Variants in SMIM36 observed in about 807,000 individuals in gnomAD.
SMIM36 encodes small integral membrane protein 36.
At chr17:55,459,874 A>G (rs8065555) in intron 4 of SMIM36, among the ~76,000 whole-genome samples, 9,718 of 152,098 alleles carry the variant, frequency 0.064, 987 homozygotes, top group African/African-American at 0.21. Context: ...GCATGTGCCT[A>G]TAATCCCAGC....
intron 3 of SMIM36, among the ~76,000 whole-genome samples, chr17:55,473,165 G>A (rs1051755109): frequency 6.6e-6 from 1 of 152,014 alleles, no homozygotes; most frequent in South Asian, 2.1e-4. Context: ...ACCAGCCTCT[G>A]GCTTGCCTCC....
intron 3 of SMIM36, among the ~76,000 whole-genome samples, chr17:55,469,951 C>T (rs771547392): frequency 2.6e-5 from 4 of 151,804 alleles, no homozygotes; most frequent in Non-Finnish European, 4.4e-5. Flanking sequence ...CATTGTACTC[C>T]AGCCTGGGCG....
At position 55,453,311 on chromosome 17, in the gene SMIM36, G is replaced by GTAAATAAATAAATAAATAAA. The variant is rs1010533696; in HGVS notation, c.*532-3033_*532-3014dup. ...CAGCCTGGGTGACATAAATAAGTAA[G>GTAAATAAATAAATAAATAAA]TAAATAAATAAATAAATAAAAAGTG... is the stretch of plus-strand genomic sequence containing the variant. On this transcript the variant is annotated intron_variant, in intron 4 of 4. Transcript: ENST00000636752. Among the ~76,000 whole-genome samples, 586 of 152,072 alleles carry GTAAATAAATAAATAAATAAA rather than the reference G, an allele frequency of 3.9e-3. 6 individuals are homozygous for GTAAATAAATAAATAAATAAA. The highest frequency in any genetic ancestry group is 0.013 in the African/African-American group (548 of 41,402).
intron 1 of SMIM36, among the ~76,000 whole-genome samples, chr17:55,494,026 T>C (rs1909764008): frequency 6.6e-6 from 1 of 152,030 alleles, no homozygotes; most frequent in Admixed American, 6.6e-5. Context: ...CCTGGGGACA[T>C]CAAAACAGCC....
the SMIM36 span, among the ~76,000 whole-genome samples, chr17:55,523,705 A>G: frequency 6.6e-6 from 1 of 152,138 alleles, no homozygotes; most frequent in Admixed American, 6.5e-5. Flanking sequence ...AATATCTGGT[A>G]TTTTGTTATG....
intron 1 of SMIM36, among the ~76,000 whole-genome samples, chr17:55,487,067 C>T (rs938103493): frequency 2.0e-5 from 3 of 152,048 alleles, no homozygotes; most frequent in Non-Finnish European, 2.9e-5. Flanking sequence ...CAGGAACAAA[C>T]GATTCTAACA....
chr17:55,521,857 CTTT>C, the SMIM36 span, among the ~76,000 whole-genome samples: 2 of 141,210 alleles, frequency 1.4e-5, no homozygotes, highest in Admixed American at 1.4e-4. Flanking sequence ...ACCGCTTTGA[CTTT>C]TTTTTTTTTT....
At chr17:55,464,437 T>C (rs1169948381) in intron 4 of SMIM36, among the ~76,000 whole-genome samples, 1 of 152,076 alleles carries the variant, frequency 6.6e-6, no homozygotes, top group Non-Finnish European at 1.5e-5. Context: ...TTGTAGGATG[T>C]TCAGATCTGG....
At chr17:55,523,842 T>C in the SMIM36 span, among the ~76,000 whole-genome samples, 1 of 152,218 alleles carries the variant, frequency 6.6e-6, no homozygotes, top group African/African-American at 2.4e-5. Context: ...AGTTTCTTTT[T>C]TCAGAAAAAT....
chr17:55,507,910 A>G (rs1250558026), intron 1 of SMIM36, among the ~76,000 whole-genome samples: 1 of 152,178 alleles, frequency 6.6e-6, no homozygotes, highest in Non-Finnish European at 1.5e-5. Context: ...AACACAGAAC[A>G]TCATTTGATA....
chr17:55,460,907 A>C (rs903685702), intron 4 of SMIM36, among the ~76,000 whole-genome samples: 1 of 152,206 alleles, frequency 6.6e-6, no homozygotes, highest in Admixed American at 6.5e-5. Context: ...AGCACTATGT[A>C]GGATTTAAGA....
the SMIM36 span, among the ~76,000 whole-genome samples, chr17:55,525,220 G>A: frequency 9.2e-5 from 14 of 152,204 alleles, no homozygotes; most frequent in African/African-American, 3.4e-4. Context: ...CTACTTTTCA[G>A]CTTTATTTTC....
chr17:55,460,235 C>T (rs1327588322), intron 4 of SMIM36, among the ~76,000 whole-genome samples: 1 of 151,764 alleles, frequency 6.6e-6, no homozygotes, highest in Non-Finnish European at 1.5e-5. Flanking sequence ...CAAGACCAGC[C>T]TGGCCAAGAT....
At chr17:55,496,210 G>A (rs1436790338) in intron 1 of SMIM36, among the ~76,000 whole-genome samples, 1 of 152,208 alleles carries the variant, frequency 6.6e-6, no homozygotes, top group Admixed American at 6.5e-5. Context: ...TTCTCTCCCT[G>A]GGTCTTCCTG....
chr17:55,513,004 C>T (rs144499690), upstream of SMIM36, among the ~76,000 whole-genome samples: 503 of 152,206 alleles, frequency 3.3e-3, no homozygotes, highest in African/African-American at 0.012. Context: ...CAAATAATAT[C>T]GTCCATGATT....
In SMIM36 at chr17:55,507,576, G is replaced by T. The variant is rs35011245; in HGVS notation, c.*174+3303C>A. Among the ~76,000 whole-genome samples, 198 of 107,170 alleles carry T rather than the reference G, an allele frequency of 1.8e-3. 2 individuals carry two copies. Among genetic ancestry groups the T allele is most frequent in the African/African-American group, 6.6e-3 (180 of 27,390 alleles). 70.3% of individuals were successfully genotyped at this position (107,170 alleles called of 152,430 possible). ...GGGAATATCACACTCTGGGGACTGTGGTGGGGTGGGGGGAGGGGGGAGGGA... is the reference window on the plus strand; with the variant it reads ...GGGAATATCACACTCTGGGGACTGTTGTGGGGTGGGGGGAGGGGGGAGGGA... On this transcript the variant is annotated intron_variant, in intron 1 of 4. Transcript: ENST00000636752.
intron 1 of SMIM36, among the ~76,000 whole-genome samples, chr17:55,501,411 TTATAA>T (rs1909970207): frequency 9.3e-5 from 2 of 21,592 alleles, no homozygotes; most frequent in African/African-American, 6.2e-4. Flanking sequence ...TTATTATATA[TTATAA>T]AATATAATAT....
intron 4 of SMIM36, among the ~76,000 whole-genome samples, chr17:55,457,515 A>C (rs1025676196): frequency 6.6e-6 from 1 of 151,740 alleles, no homozygotes; most frequent in African/African-American, 2.4e-5. Flanking sequence ...TCTTTAAAAA[A>C]ATTTTTTTTA....
At chr17:55,450,525 C>T (rs945958616) in intron 4 of SMIM36, among the ~76,000 whole-genome samples, 1 of 152,158 alleles carries the variant, frequency 6.6e-6, no homozygotes, top group Admixed American at 6.6e-5. Flanking sequence ...AAGTAGATCA[C>T]TTAGTCTCCT....
Sources: gnomAD v4.1 joint callset for allele counts (sites outside exome capture counted in the v4.1 genomes callset) on GRCh38, gnomAD v4.1.1 for gene constraint, MANE v1.5 for transcripts, NCBI Gene and HGNC (gene_info 2026-07-23, HGNC 2026-07-21) for gene names.